The following DENND2A variants were observed in gnomAD, a reference collection of about 807,000 sequenced individuals.
DENND2A encodes DENN domain-containing protein 2A.
DENND2A carries 53 observed loss-of-function variants against 105.3 expected under a neutral mutation model. That is an observed-to-expected ratio of 0.50 (90% CI 0.40 to 0.63). DENND2A has a LOEUF of 0.63. Among genes scored for constraint, DENND2A ranks in the 30% least tolerant of loss-of-function variants. The probability of loss-of-function intolerance (pLI) is 0.00; values close to 1 mark genes in which losing one functional copy is unlikely to be tolerated. For missense variants in DENND2A, 1,138 were observed against 1,279.6 expected (o/e 0.89, Z 1.69); for synonymous variants, 522 against 508.4 (o/e 1.03, Z -0.36).
chr7:140,519,131 G>T (rs1795762122), intron 19 of DENND2A, among the ~76,000 whole-genome samples: 1 of 152,150 alleles, frequency 6.6e-6, no homozygotes, highest in South Asian at 2.1e-4. Context: ...CCCTTCACAG[G>T]CCCTCTGGGA....
At chr7:140,544,304 C>T (rs544709924) in intron 14 of DENND2A, 6 of 460,788 alleles carry the variant, frequency 1.3e-5, no homozygotes, top group Admixed American at 6.8e-5. Context: ...AATCGATTCC[C>T]GTGCCTCAGC....
intron 2 of DENND2A, among the ~76,000 whole-genome samples, chr7:140,603,681 G>C (rs1389625552): frequency 6.6e-6 from 1 of 152,234 alleles, no homozygotes. Flanking sequence ...CGTGAATAAA[G>C]AGGCAGATTC....
rs1797334507 is a variant in DENND2A at position 140,555,634 on chromosome 7, A to C, written c.2037+2T>G. 1 of 1,611,078 alleles carries C rather than the reference A, an allele frequency of 6.2e-7. No homozygotes were observed. The highest frequency in any genetic ancestry group is 1.3e-5 in the African/African-American group (1 of 74,628). On this transcript the variant is annotated splice_donor_variant, in intron 12 of 19. Coordinates refer to ENST00000496613, the MANE Select transcript of DENND2A (RefSeq NM_015689.5). LOFTEE classifies it high-confidence loss of function. Reference sequence around the variant, plus strand: ...CTCTTTCTCTGAGGTCCAAGTTCTCACCCTTGAAAAGAGGCTGAAGCATCC... The same window carrying C: ...CTCTTTCTCTGAGGTCCAAGTTCTCCCCCTTGAAAAGAGGCTGAAGCATCC...
intron 1 of DENND2A, among the ~76,000 whole-genome samples, chr7:140,635,637 G>T (rs1039716430): frequency 6.6e-6 from 1 of 152,138 alleles, no homozygotes; most frequent in African/African-American, 2.4e-5. Flanking sequence ...TGCTGCAAGG[G>T]TGACCCACCC....
At chr7:140,630,511 T>C (rs1800696794) in intron 1 of DENND2A, among the ~76,000 whole-genome samples, 1 of 152,012 alleles carries the variant, frequency 6.6e-6, no homozygotes, top group Admixed American at 6.6e-5. Flanking sequence ...GAAAGACAAT[T>C]AAAACAACCA....
chr7:140,544,743 C>T lies in DENND2A; in HGVS notation c.2202G>A (p.Leu734=). ...GTEVIELCRP[L]DSRLEHVDFE... ...AGTCCACGTGCTCGAGCCGGGAGTC[C>T]AGCGGGCGGCACAGTTCGATCACCT... is the stretch of plus-strand genomic sequence containing the variant. The change falls in exon 14 of 20, where the codon CTG becomes CTA. Residue 734 remains leucine (L), a synonymous_variant. Transcript: ENST00000496613. 1 of 1,592,694 alleles carries T rather than the reference C, an allele frequency of 6.3e-7. No homozygotes were observed. The highest frequency in any genetic ancestry group is 1.3e-5 in the African/African-American group (1 of 74,832).
intron 1 of DENND2A, among the ~76,000 whole-genome samples, chr7:140,621,123 G>C (rs981817966): frequency 9.9e-5 from 15 of 152,150 alleles, no homozygotes; most frequent in African/African-American, 3.6e-4. Flanking sequence ...CAACCTCCTA[G>C]GCTCAAGTGA....
At chr7:140,569,216 C>T (rs1055713305) in intron 7 of DENND2A, among the ~76,000 whole-genome samples, 10 of 152,166 alleles carry the variant, frequency 6.6e-5, no homozygotes, top group Non-Finnish European at 1.3e-4. Flanking sequence ...CGTGAGCCAC[C>T]GCGCCCCGCC....
chr7:140,613,036 C>T (rs1799956031), intron 1 of DENND2A, among the ~76,000 whole-genome samples: 1 of 151,434 alleles, frequency 6.6e-6, no homozygotes. Context: ...ATGGCTTGAA[C>T]CCGGGAGGCG....
intron 14 of DENND2A, among the ~76,000 whole-genome samples, chr7:140,537,828 T>C (rs901605733): frequency 6.6e-6 from 1 of 152,186 alleles, no homozygotes; most frequent in Non-Finnish European, 1.5e-5. Context: ...TTTGCACATA[T>C]TTGTTTACGT....
chr7:140,522,859 C>T (rs765354285), intron 17 of DENND2A, among the ~76,000 whole-genome samples: 3 of 152,056 alleles, frequency 2.0e-5, no homozygotes, highest in African/African-American at 7.2e-5. Context: ...CCACCTGCCT[C>T]GGCCTCCCAA....
At chr7:140,543,121 CTTT>C (rs35896324) in intron 14 of DENND2A, among the ~76,000 whole-genome samples, 8 of 139,158 alleles carry the variant, frequency 5.7e-5, no homozygotes, top group African/African-American at 1.1e-4. Flanking sequence ...CTTTTCTTTT[CTTT>C]TTTTTTTTTT....
At chr7:140,594,960 T>G (rs1366791454) in intron 3 of DENND2A, among the ~76,000 whole-genome samples, 2 of 152,140 alleles carry the variant, frequency 1.3e-5, no homozygotes, top group African/African-American at 4.8e-5. Context: ...GTCATCCGCC[T>G]GCCTCAGCCT....
In DENND2A at chr7:140,546,860, G is replaced by A; in HGVS notation, c.2117C>T (p.Pro706Leu). The change falls in exon 13 of 20, where the codon CCT becomes CTT. Residue 706 changes from proline to leucine, a missense_variant. This residue lies in a region of DENND2A where 627 missense variants were observed against 779.8 expected (regional missense o/e 0.80). Transcript: ENST00000496613. The part of the protein sequence containing the change: ...QPLMRSVMEA[P>L]FPALGKTILV... ...GATGGTTTTGCCCAGGGCTGGGAAAGGGGCTTCCATGACACTTCTCATGAG... is the reference window on the plus strand; with the variant it reads ...GATGGTTTTGCCCAGGGCTGGGAAAAGGGCTTCCATGACACTTCTCATGAG... The A allele has an allele frequency of 2.5e-6, 4 of 1,614,200 alleles. No individual in the cohort carries two copies. The highest frequency in any genetic ancestry group is 3.4e-6 in the Non-Finnish European group (4 of 1,180,016).
In DENND2A at chr7:140,601,549, C is replaced by T. The variant is rs145700393; in HGVS notation, c.849G>A (p.Gly283=). 8.1e-5 allele frequency: 130 copies of T among 1,614,182 alleles called. No homozygotes were observed. In the African/African-American group the frequency reaches 1.5e-3, roughly 19 times the overall value. The change falls in exon 3 of 20, where the codon GGG becomes GGA. Residue 283 remains glycine, a synonymous_variant. Transcript: ENST00000496613. ...CTTTCCTGAAGCCGATGCCAGGCTT[C>T]CCATCTTTGTCCCCTTCTCCGGCAT... The part of the protein sequence containing the change: ...FKHAGEGDKD[G]KPGIGFRKEK...
chr7:140,611,055 T>A (rs961363340), intron 1 of DENND2A, among the ~76,000 whole-genome samples: 4 of 152,062 alleles, frequency 2.6e-5, no homozygotes, highest in African/African-American at 9.7e-5. Context: ...ATTATTATTA[T>A]TATTTTTTGA....
At position 140,608,367 on chromosome 7, in the gene DENND2A, T is replaced by C. The variant is rs151104097; in HGVS notation, c.-247-2561A>G. On this transcript the variant is annotated intron_variant, in intron 1 of 19. Transcript: ENST00000496613. Reference sequence around the variant, plus strand: ...TGTAAAAAACTGACCTTTCCCTTTTTGTCTCTGATGATTAGCAGTTGTTAA... The same window carrying C: ...TGTAAAAAACTGACCTTTCCCTTTTCGTCTCTGATGATTAGCAGTTGTTAA... Among the ~76,000 whole-genome samples the C allele has an allele frequency of 1.3e-3, 202 of 152,300 alleles. 1 individual carries two copies. Among genetic ancestry groups the C allele is most frequent in the Non-Finnish European group, 2.2e-3 (149 of 68,026 alleles).
At chr7:140,577,540 G>C (rs61333130) in intron 5 of DENND2A, among the ~76,000 whole-genome samples, 3,262 of 152,126 alleles carry the variant, frequency 0.021, 121 homozygotes, top group African/African-American at 0.074. Flanking sequence ...TGGGATTACA[G>C]GCGAGTGCCA....
At chr7:140,533,047 G>A (rs2001673) in intron 14 of DENND2A, among the ~76,000 whole-genome samples, 44,579 of 146,132 alleles carry the variant, frequency 0.31, 6,921 homozygotes, top group Middle Eastern at 0.35. Flanking sequence ...GCTGGAGTGC[G>A]GTGGCACGAT....
Sources: allele counts gnomAD v4.1 joint callset (sites outside exome capture counted in the v4.1 genomes callset), GRCh38; gene constraint gnomAD v4.1.1; regional missense constraint gnomAD v4.1.1; transcripts MANE v1.5; gene names NCBI Gene and HGNC (gene_info 2026-07-23, HGNC 2026-07-21).